Variants in RPRD1A observed in about 807,000 individuals in gnomAD.
RPRD1A encodes the protein regulation of nuclear pre-mRNA domain-containing protein 1A.
Under a neutral mutation model 37.8 loss-of-function variants are expected in RPRD1A, and 9 were observed. The ratio of observed to expected loss-of-function variants is 0.24; its 90% CI spans 0.14 to 0.42. The LOEUF (loss-of-function observed/expected upper bound fraction) is 0.42, where lower values mean the gene tolerates loss of function less well. Ranked by LOEUF, RPRD1A falls within the 10% of genes least tolerant of loss-of-function variation. The probability of loss-of-function intolerance (pLI) is 1.00; values close to 1 mark genes in which losing one functional copy is unlikely to be tolerated. For missense variants in RPRD1A, 255 were observed against 371.0 expected (o/e 0.69, Z 2.57); for synonymous variants, 138 against 139.7 (o/e 0.99, Z 0.08).
intron 6 of RPRD1A, among the ~76,000 whole-genome samples, chr18:36,008,573 G>GTATATATATATATA (rs1339247337): frequency 3.5e-4 from 13 of 36,626 alleles, no homozygotes; most frequent in African/African-American, 9.9e-4. Flanking sequence ...AAGACCTTGT[G>GTATATATATATATA]TGTGTATATA....
At chr18:35,993,838 C>T (rs1422357969) in intron 6 of RPRD1A, among the ~76,000 whole-genome samples, 8 of 152,158 alleles carry the variant, frequency 5.3e-5, no homozygotes, top group African/African-American at 1.9e-4. Flanking sequence ...CATCCTACCC[C>T]AACTACCTGG....
chr18:36,056,725 G>A (rs937507438), intron 1 of RPRD1A, among the ~76,000 whole-genome samples: 3 of 151,408 alleles, frequency 2.0e-5, no homozygotes, highest in Non-Finnish European at 4.4e-5. Flanking sequence ...AGTTATTACA[G>A]ATACAAAGAA....
intron 1 of RPRD1A, among the ~76,000 whole-genome samples, chr18:36,044,315 A>C (rs762720112): frequency 2.6e-5 from 4 of 152,188 alleles, no homozygotes; most frequent in Non-Finnish European, 5.9e-5. Flanking sequence ...GGGAAACTGT[A>C]ATTAAATGTA....
intron 1 of RPRD1A, among the ~76,000 whole-genome samples, chr18:36,048,782 C>A (rs979335303): frequency 6.6e-6 from 1 of 151,666 alleles, no homozygotes; most frequent in South Asian, 2.1e-4. Flanking sequence ...CTAGCAAGTA[C>A]AATAGGGCAA....
chr18:36,049,340 T>G lies in RPRD1A; in HGVS notation c.152-15503A>C, dbSNP rs528797309. On this transcript the variant is annotated intron_variant, in intron 1 of 6. Coordinates refer to ENST00000399022, the MANE Select transcript of RPRD1A (RefSeq NM_018170.5). ...ACTAATTTCTTTTTTAAACTGTGTGTGGCATTAAAAATACAGTTGACTTCT... is the reference window on the plus strand; with the variant it reads ...ACTAATTTCTTTTTTAAACTGTGTGGGGCATTAAAAATACAGTTGACTTCT... Among the ~76,000 whole-genome samples, 94 of 152,328 alleles carry G rather than the reference T, an allele frequency of 6.2e-4. No individual in the cohort carries two copies. In the South Asian group the frequency reaches 0.017, roughly 28 times the overall value.
chr18:36,026,866 TA>T (rs777884700), intron 6 of RPRD1A, 33 bp downstream of exon 6: 10 of 1,551,476 alleles, frequency 6.4e-6, no homozygotes, highest in Non-Finnish European at 8.7e-6. Flanking sequence ...GAGAATTAAA[TA>T]AATAAGCACT....
chr18:36,027,355 CA>C (rs1911444081), intron 4 of RPRD1A, 45 bp from the exon 5 acceptor site: 20 of 1,605,452 alleles, frequency 1.2e-5, no homozygotes, highest in Non-Finnish European at 1.7e-5. Flanking sequence ...TGAGCTTAAA[CA>C]AGTGCAAAAG....
intron 1 of RPRD1A, among the ~76,000 whole-genome samples, chr18:36,055,486 T>C (rs1484360168): frequency 6.6e-6 from 1 of 152,252 alleles, no homozygotes; most frequent in Non-Finnish European, 1.5e-5. Context: ...CATGTGCATT[T>C]CATGATACTC....
intron 1 of RPRD1A, among the ~76,000 whole-genome samples, chr18:36,037,738 G>C (rs1439293148): frequency 6.6e-6 from 1 of 152,178 alleles, no homozygotes; most frequent in Non-Finnish European, 1.5e-5. Flanking sequence ...AATGCTGATA[G>C]TGAAGTAGAC....
chr18:36,064,033 C>T (rs2088967507), intron 1 of RPRD1A: 1 of 152,248 alleles, frequency 6.6e-6, no homozygotes, highest in Admixed American at 6.5e-5. Context: ...ACATTTGCAC[C>T]ATTTTCTTAA....
At chr18:36,027,577 G>A (rs574648534) in intron 4 of RPRD1A, 2 of 304,888 alleles carry the variant, frequency 6.6e-6, no homozygotes, top group Non-Finnish European at 1.2e-5. Context: ...ATAATTATTT[G>A]AGTACTAAAA....
chr18:36,043,478 A>G (rs1912741717), intron 1 of RPRD1A, among the ~76,000 whole-genome samples: 1 of 152,114 alleles, frequency 6.6e-6, no homozygotes, highest in Non-Finnish European at 1.5e-5. Flanking sequence ...TTCCTGAGAA[A>G]TTTTTGTGAA....
At position 36,062,084 on chromosome 18, in the gene RPRD1A, G is replaced by A. The variant is rs1429340054; in HGVS notation, c.151+5170C>T. Among the ~76,000 whole-genome samples the A allele has an allele frequency of 4.6e-5, 7 of 152,014 alleles. No individual in the cohort carries two copies. In the South Asian group the frequency reaches 8.3e-4, roughly 18 times the overall value. On this transcript the variant is annotated intron_variant, in intron 1 of 6. Coordinates refer to ENST00000399022, the MANE Select transcript of RPRD1A (RefSeq NM_018170.5). ...TGTAATCCCAGCACTTTGGGAGGCC[G>A]AGGCGGGTGGATCATGAGGTCAGGA...
chr18:36,043,758 T>G (rs925645449), intron 1 of RPRD1A, among the ~76,000 whole-genome samples: 2 of 152,236 alleles, frequency 1.3e-5, no homozygotes, highest in Non-Finnish European at 2.9e-5. Context: ...AAGTTTATTA[T>G]GTATCTCATT....
At chr18:36,013,236 AT>A (rs1910290121) in intron 6 of RPRD1A, among the ~76,000 whole-genome samples, 1 of 152,216 alleles carries the variant, frequency 6.6e-6, no homozygotes, top group Non-Finnish European at 1.5e-5. Flanking sequence ...TGACAAAAAA[AT>A]CTAAGTTCCC....
Position 36,060,504 on chromosome 18 carries a change from A to G in RPRD1A, c.151+6750T>C, listed in dbSNP as rs540542820. On this transcript the variant is annotated intron_variant, in intron 1 of 6. Transcript: ENST00000399022. ...TAAAACCAAATTAATAAGAACAGCC[A>G]AGAATATACAGTACTTATTTTAGCA... Among the ~76,000 whole-genome samples, 3 of 152,340 alleles carry G rather than the reference A, an allele frequency of 2.0e-5. No individual in the cohort carries two copies. In the South Asian group the frequency reaches 6.2e-4, roughly 32 times the overall value.
rs375153915 is a variant in RPRD1A at position 35,993,346 on chromosome 18, C to T, written c.790-46G>A. On this transcript the variant is annotated intron_variant, in intron 6 of 6. Transcript: ENST00000399022. ...CATTAGCATTCAGGGATTGAAAAAACTTCCTAGCTAATAATGACCTACATA... is the reference window on the plus strand; with the variant it reads ...CATTAGCATTCAGGGATTGAAAAAATTTCCTAGCTAATAATGACCTACATA... 1.2e-4 allele frequency: 185 copies of T among 1,604,484 alleles called. 1 individual carries two copies. The highest frequency in any genetic ancestry group is 1.5e-4 in the Non-Finnish European group (172 of 1,174,660).
At chr18:36,059,805 C>T (rs2088869363) in intron 1 of RPRD1A, among the ~76,000 whole-genome samples, 1 of 152,118 alleles carries the variant, frequency 6.6e-6, no homozygotes, top group African/African-American at 2.4e-5. Flanking sequence ...AAACAAATGG[C>T]TTCTAAAAAA....
chr18:36,011,591 A>T (rs1910183043), intron 6 of RPRD1A, among the ~76,000 whole-genome samples: 1 of 152,164 alleles, frequency 6.6e-6, no homozygotes, highest in Non-Finnish European at 1.5e-5. Context: ...AAAGATACAT[A>T]TATTTTAAAA....
Sources: allele counts gnomAD v4.1 joint callset (sites outside exome capture counted in the v4.1 genomes callset), GRCh38; gene constraint gnomAD v4.1.1; transcripts MANE v1.5; gene names NCBI Gene and HGNC (gene_info 2026-07-23, HGNC 2026-07-21).